The following THSD1 variants were observed in gnomAD, a reference collection of about 807,000 sequenced individuals.
THSD1 encodes thrombospondin type 1 domain containing 1.
In THSD1, 34 loss-of-function variants were observed where a neutral mutation model predicts 46.3. That is an observed-to-expected ratio of 0.74 (90% confidence interval 0.56 to 0.98). THSD1 has a LOEUF of 0.98. Ranked by LOEUF, THSD1 falls within the 50% of genes least tolerant of loss-of-function variation. The probability of loss-of-function intolerance (pLI) is 0.00; values close to 1 mark genes in which losing one functional copy is unlikely to be tolerated. For missense variants in THSD1, 1,023 were observed against 1,058.3 expected (o/e 0.97, Z 0.46); for synonymous variants, 407 against 416.5 (o/e 0.98, Z 0.28).
In THSD1 at chr13:52,377,223, A is replaced by G; in HGVS notation, c.*188T>C. Reference sequence around the variant, plus strand: ...TTACTAATAAATCAATAGAAATTGAATAACAAAGGAAAAAGCTCAAGATAA... The same window carrying G: ...TTACTAATAAATCAATAGAAATTGAGTAACAAAGGAAAAAGCTCAAGATAA... On this transcript the variant is annotated 3_prime_UTR_variant, in exon 5 of 5. Coordinates refer to ENST00000258613, the MANE Select transcript of THSD1 (RefSeq NM_018676.4). The G allele has an allele frequency of 1.5e-6, 2 of 1,320,396 alleles. No homozygotes were observed. Among genetic ancestry groups the G allele is most frequent in the Non-Finnish European group, 1.9e-6 (2 of 1,031,924 alleles). The allele number at this position is 1,320,396 out of a possible 1,614,324, so 81.8% of individuals were successfully genotyped here.
intron 1 of THSD1, 125 bp from the exon 2 acceptor site, chr13:52,402,806 G>A: frequency 7.4e-7 from 1 of 1,355,810 alleles, no homozygotes; most frequent in Non-Finnish European, 9.5e-7. Flanking sequence ...AACTAGAGAG[G>A]ACACTAATTT....
At chr13:52,393,322 T>G (rs1229467869) in intron 3 of THSD1, among the ~76,000 whole-genome samples, 1 of 152,212 alleles carries the variant, frequency 6.6e-6, no homozygotes, top group Non-Finnish European at 1.5e-5. Context: ...TTTATCCCAT[T>G]AAGTGGAATA....
Position 52,378,252 on chromosome 13 carries a change from T to C in THSD1, c.1718A>G (p.Asp573Gly). ...TGCAGCTTCTTCCGGGCTTTCCAAATCTAAGGGAGCGCTGGGGGCCGCATC... is the reference window on the plus strand; with the variant it reads ...TGCAGCTTCTTCCGGGCTTTCCAAACCTAAGGGAGCGCTGGGGGCCGCATC... ...AIDAAPSAPL[D>G]LESPEEAAAN... Residue 573 changes from aspartate (D) to glycine (G), a missense_variant, in exon 5 of 5, where the codon GAT (aspartate) becomes GGT (glycine). By Grantham distance (94) the Asp-to-Gly change is moderately conservative. This residue lies in a region of THSD1 where 578 missense variants were observed against 497.4 expected (regional missense o/e 1.16). Coordinates refer to ENST00000258613, the MANE Select transcript of THSD1 (RefSeq NM_018676.4). 2 of 1,614,160 alleles carry C rather than the reference T, an allele frequency of 1.2e-6. No individual in the cohort carries two copies. The highest frequency in any genetic ancestry group is 1.7e-6 in the Non-Finnish European group (2 of 1,180,020).
At chr13:52,400,271 G>A (rs1957845629) in intron 2 of THSD1, among the ~76,000 whole-genome samples, 1 of 152,046 alleles carries the variant, frequency 6.6e-6, no homozygotes, top group South Asian at 2.1e-4. Flanking sequence ...TGTACTAGAG[G>A]GAGAATTTGC....
intron 2 of THSD1, among the ~76,000 whole-genome samples, chr13:52,401,490 G>A (rs1333111371): frequency 6.6e-6 from 1 of 151,644 alleles, no homozygotes; most frequent in Non-Finnish European, 1.5e-5. Context: ...TAGTAGAGAT[G>A]GGGTTTCACT....
chr13:52,405,163 G>A (rs1957897381), intron 1 of THSD1, among the ~76,000 whole-genome samples: 1 of 152,148 alleles, frequency 6.6e-6, no homozygotes. Flanking sequence ...AAACTTTAGA[G>A]ACAAATTCTA....
At chr13:52,404,262 A>G (rs1005050214) in intron 1 of THSD1, among the ~76,000 whole-genome samples, 3 of 152,226 alleles carry the variant, frequency 2.0e-5, no homozygotes, top group African/African-American at 4.8e-5. Context: ...TAATCATTTT[A>G]ATAAGCAAGT....
At chr13:52,392,423 T>C (rs1957780648) in intron 3 of THSD1, among the ~76,000 whole-genome samples, 1 of 152,138 alleles carries the variant, frequency 6.6e-6, no homozygotes, top group Non-Finnish European at 1.5e-5. Flanking sequence ...CTGAGGAAAA[T>C]ACTTGGCAAA....
chr13:52,396,636 G>C (rs1291934114), intron 3 of THSD1, among the ~76,000 whole-genome samples: 3 of 152,170 alleles, frequency 2.0e-5, no homozygotes, highest in African/African-American at 4.8e-5. Context: ...GAAATGCAAA[G>C]AGCAGCATAG....
chr13:52,394,934 C>T (rs573524594), intron 3 of THSD1, among the ~76,000 whole-genome samples: 30 of 152,264 alleles, frequency 2.0e-4, no homozygotes, highest in African/African-American at 7.2e-4. Flanking sequence ...AAAGATGCTG[C>T]CCCAGCTTCC....
At chr13:52,384,427 G>A (rs1957715795) in intron 4 of THSD1, 3 of 455,644 alleles carry the variant, frequency 6.6e-6, no homozygotes. Flanking sequence ...GTCCTCATCT[G>A]CAATGTGGAA....
In THSD1 at chr13:52,377,538, A is replaced by G. The variant is rs200361023; in HGVS notation, c.2432T>C (p.Phe811Ser). ...GAGGCCAAACGACGTATTGTCATAGAAGGCAAACTCAGGGTGAGTGGGGAA... is the reference window on the plus strand; with the variant it reads ...GAGGCCAAACGACGTATTGTCATAGGAGGCAAACTCAGGGTGAGTGGGGAA... ...QSFPTHPEFA[F>S]YDNTSFGLTE... The change falls in exon 5 of 5, where the codon TTC (phenylalanine) becomes TCC (serine). Residue 811 changes from phenylalanine to serine, a missense_variant. Phe to Ser is a radical substitution (Grantham distance 155). Around this residue, in one of 3 missense-constraint regions of THSD1, gnomAD observed 578 missense variants for 497.4 expected, o/e 1.16. Transcript: ENST00000258613. 31 of 1,600,354 alleles carry G rather than the reference A, an allele frequency of 1.9e-5. No individual in the cohort carries two copies. In the South Asian group the frequency reaches 3.3e-4, roughly 17 times the overall value.
At chr13:52,397,111 C>T (rs1017585107) in intron 3 of THSD1, 121 bp downstream of exon 3, 6 of 875,100 alleles carry the variant, frequency 6.9e-6, no homozygotes, top group African/African-American at 5.1e-5. Flanking sequence ...CCAATTGGTA[C>T]ATTATAAGGC....
chr13:52,403,938 ATTTTTTTTTTT>A (rs67802176), intron 1 of THSD1, among the ~76,000 whole-genome samples: 7 of 63,918 alleles, frequency 1.1e-4, no homozygotes, highest in East Asian at 6.6e-4. Flanking sequence ...CATTATTCAC[ATTTTTTTTTTT>A]TTTTTTTTTT....
At chr13:52,383,203 G>A (rs774953614) in intron 4 of THSD1, among the ~76,000 whole-genome samples, 7 of 151,892 alleles carry the variant, frequency 4.6e-5, no homozygotes, top group African/African-American at 9.7e-5. Context: ...ATACATTCCC[G>A]ACCACAGTCA....
rs1440924389 is a variant in THSD1 at position 52,392,132 on chromosome 13, C to T, written c.1021+5100G>A. On this transcript the variant is annotated intron_variant, in intron 3 of 4. Coordinates refer to ENST00000258613, the MANE Select transcript of THSD1 (RefSeq NM_018676.4). ...GCGTTAACCCAGGAGACGGAGCTTGCGGTGAGCCGAGATCGCGCCACTGCG... is the reference window on the plus strand; with the variant it reads ...GCGTTAACCCAGGAGACGGAGCTTGTGGTGAGCCGAGATCGCGCCACTGCG... Among the ~76,000 whole-genome samples the T allele has an allele frequency of 5.3e-5, 7 of 132,782 alleles. 1 individual carries two copies. The highest frequency in any genetic ancestry group is 4.5e-4 in the Admixed American group (5 of 11,002). The allele number at this position is 132,782 out of a possible 152,430, so 87.1% of individuals were successfully genotyped here.
intron 4 of THSD1, among the ~76,000 whole-genome samples, chr13:52,381,600 C>CT (rs1329618174): frequency 5.3e-5 from 8 of 152,260 alleles, no homozygotes; most frequent in African/African-American, 1.4e-4. Context: ...CTCTATTTAC[C>CT]TTTTTTCCAC....
At chr13:52,392,593 A>G (rs1420176592) in intron 3 of THSD1, among the ~76,000 whole-genome samples, 1 of 152,270 alleles carries the variant, frequency 6.6e-6, no homozygotes, top group Admixed American at 6.5e-5. Flanking sequence ...CTGTTTGTCC[A>G]GGCTAAATGC....
At chr13:52,382,022 T>G (rs1356900042) in intron 4 of THSD1, among the ~76,000 whole-genome samples, 1 of 152,148 alleles carries the variant, frequency 6.6e-6, no homozygotes, top group Non-Finnish European at 1.5e-5. Context: ...CTTGCAACTC[T>G]CTCTCTCCCT....
Sources: gnomAD v4.1 joint callset for allele counts (sites outside exome capture counted in the v4.1 genomes callset) on GRCh38, gnomAD v4.1.1 for gene constraint, gnomAD v4.1.1 regional missense constraint, MANE v1.5 for transcripts, NCBI Gene and HGNC (gene_info 2026-07-23, HGNC 2026-07-21) for gene names.